NBEA: variants seen among roughly 807,000 people sequenced by gnomAD.
The protein encoded by NBEA is lysosomal-trafficking regulator 2.
In NBEA, 44 loss-of-function variants were observed where a neutral mutation model predicts 343.4. The ratio of observed to expected loss-of-function variants is 0.13; its 90% CI spans 0.10 to 0.16. The LOEUF (loss-of-function observed/expected upper bound fraction) is 0.16, where lower values mean the gene tolerates loss of function less well. NBEA is among the 10% of genes least tolerant of loss of function. The pLI is 1.00. For synonymous variants in NBEA, 1,175 were observed against 1,238.7 expected (o/e 0.95, Z 1.08); for missense variants, 2,555 against 3,631.3 (o/e 0.70, Z 7.62).
intron 36 of NBEA, among the ~76,000 whole-genome samples, chr13:35,336,265 G>A (rs992196785): frequency 6.6e-6 from 1 of 152,000 alleles, no homozygotes; most frequent in Non-Finnish European, 1.5e-5. Flanking sequence ...AAACATCATT[G>A]CAAGGAGACA....
At chr13:35,525,075 T>G (rs1325243334) in intron 41 of NBEA, among the ~76,000 whole-genome samples, 1 of 152,194 alleles carries the variant, frequency 6.6e-6, no homozygotes, top group African/African-American at 2.4e-5. Context: ...TCAGAGAATA[T>G]TTAAAGCAAA....
intron 18 of NBEA, among the ~76,000 whole-genome samples, chr13:35,144,290 TA>T (rs1406860267): frequency 1.3e-5 from 2 of 152,212 alleles, no homozygotes; most frequent in Non-Finnish European, 2.9e-5. Context: ...AAGATTACAG[TA>T]AAAGGGTAGA....
At chr13:35,646,234 G>T in intron 50 of NBEA, 25 bp from the exon 51 acceptor site, 2 of 1,550,492 alleles carry the variant, frequency 1.3e-6, no homozygotes, top group South Asian at 1.1e-5. Context: ...TATTGATTAT[G>T]ACAATCACCC....
chr13:35,231,636 G>T (rs942463721), intron 33 of NBEA, among the ~76,000 whole-genome samples: 1 of 152,046 alleles, frequency 6.6e-6, no homozygotes, highest in African/African-American at 2.4e-5. Flanking sequence ...TGTGCTGGGT[G>T]CTTTTCTGTG....
chr13:35,601,787 A>G (rs11147573), intron 47 of NBEA, among the ~76,000 whole-genome samples: 1 of 19,926 alleles, frequency 5.0e-5, no homozygotes, highest in Admixed American at 9.0e-4. Flanking sequence ...AAAAAAAAAG[A>G]AAAAAAAAAA....
chr13:35,445,624 A>C (rs924572589), intron 39 of NBEA, among the ~76,000 whole-genome samples: 2 of 151,854 alleles, frequency 1.3e-5, no homozygotes, highest in East Asian at 1.9e-4. Context: ...TAAAATGACT[A>C]ATATGTGAAG....
intron 10 of NBEA, among the ~76,000 whole-genome samples, chr13:35,083,547 C>T (rs2064545692): frequency 6.6e-6 from 1 of 152,036 alleles, no homozygotes; most frequent in Non-Finnish European, 1.5e-5. Context: ...TCCTTACAGA[C>T]AAGCAAATGC....
chr13:35,045,900 G>A (rs2062834684), intron 4 of NBEA, among the ~76,000 whole-genome samples: 1 of 151,710 alleles, frequency 6.6e-6, no homozygotes, highest in Admixed American at 6.6e-5. Context: ...GCTAATTTTT[G>A]TATTTTTAGT....
At chr13:35,279,033 G>A (rs2034852883) in intron 34 of NBEA, among the ~76,000 whole-genome samples, 1 of 151,908 alleles carries the variant, frequency 6.6e-6, no homozygotes, top group Non-Finnish European at 1.5e-5. Context: ...TAGCTCACAG[G>A]CCATATAAAA....
intron 1 of NBEA, among the ~76,000 whole-genome samples, chr13:35,004,001 T>C (rs2061232618): frequency 6.6e-6 from 1 of 152,186 alleles, no homozygotes; most frequent in African/African-American, 2.4e-5. Context: ...ATTGTTCAGC[T>C]CCCACTTATT....
chr13:35,138,587 G>A (rs1021645490), intron 17 of NBEA, among the ~76,000 whole-genome samples: 16 of 151,760 alleles, frequency 1.1e-4, no homozygotes, highest in African/African-American at 3.9e-4. Context: ...GGCCTCCAGA[G>A]TAGCTGGGAT....
At chr13:35,056,616 T>A (rs1235968301) in intron 7 of NBEA, among the ~76,000 whole-genome samples, 1 of 152,136 alleles carries the variant, frequency 6.6e-6, no homozygotes, top group East Asian at 1.9e-4. Flanking sequence ...TGTGGGGAAC[T>A]TCTTCTATTC....
chr13:34,960,069 A>G (rs1171145822), intron 1 of NBEA, among the ~76,000 whole-genome samples: 1 of 151,876 alleles, frequency 6.6e-6, no homozygotes, highest in Non-Finnish European at 1.5e-5. Context: ...CATTGTTATG[A>G]TAAGAGATGA....
At chr13:35,028,805 C>T (rs1208841287) in intron 1 of NBEA, among the ~76,000 whole-genome samples, 1 of 151,230 alleles carries the variant, frequency 6.6e-6, no homozygotes, top group Non-Finnish European at 1.5e-5. Flanking sequence ...TTTGGTAACT[C>T]TAATATACTT....
intron 38 of NBEA, among the ~76,000 whole-genome samples, chr13:35,430,397 TTACTC>T (rs1355640748): frequency 8.5e-5 from 13 of 152,306 alleles, no homozygotes; most frequent in African/African-American, 2.4e-4. Flanking sequence ...GGTTGTCTGT[TTACTC>T]TACTGATTAT....
rs2034449184 is a variant in NBEA at position 35,274,705 on chromosome 13, C to G, written c.5777-15684C>G. Among the ~76,000 whole-genome samples the G allele has an allele frequency of 2.0e-5, 3 of 152,112 alleles. No individual in the cohort carries two copies. The South Asian group carries it at 6.2e-4, about 32-fold the overall frequency. ...TCAATGTGCAAAAATCACAAGCATT[C>G]CTATACACCAGTAATAGAGAGCCAA... is the stretch of plus-strand genomic sequence containing the variant. On this transcript the variant is annotated intron_variant, in intron 34 of 58. Transcript: ENST00000379939.
At chr13:35,661,069 C>T (rs1301508907) in intron 55 of NBEA, among the ~76,000 whole-genome samples, 1 of 152,166 alleles carries the variant, frequency 6.6e-6, no homozygotes, top group South Asian at 2.1e-4. Context: ...GAGAAGGGAG[C>T]TGCTTGCTAC....
chr13:35,497,160 C>T (rs2076711728), intron 41 of NBEA, among the ~76,000 whole-genome samples: 1 of 152,028 alleles, frequency 6.6e-6, no homozygotes, highest in African/African-American at 2.4e-5. Context: ...ATCTCATAAG[C>T]TGTGAACATT....
chr13:35,150,485 G>A (rs755129527), intron 18 of NBEA, among the ~76,000 whole-genome samples: 1 of 151,990 alleles, frequency 6.6e-6, no homozygotes, highest in Non-Finnish European at 1.5e-5. Context: ...TGTGTGATGG[G>A]TATCAATTTA....
Sources: gnomAD v4.1 joint callset for allele counts (sites outside exome capture counted in the v4.1 genomes callset) on GRCh38, gnomAD v4.1.1 for gene constraint, MANE v1.5 for transcripts, NCBI Gene and HGNC (gene_info 2026-07-23, HGNC 2026-07-21) for gene names.